The following RASGRP3 variants were observed in gnomAD, a reference collection of about 807,000 sequenced individuals.
The protein encoded by RASGRP3 is ras guanyl-releasing protein 3.
In RASGRP3, 54 loss-of-function variants were observed where a neutral mutation model predicts 82.7. That is an observed-to-expected ratio of 0.65 (90% CI 0.52 to 0.82). RASGRP3 has a LOEUF of 0.82. Ranked by LOEUF, RASGRP3 falls within the 40% of genes least tolerant of loss-of-function variation. The probability of loss-of-function intolerance (pLI) is 0.00; values close to 1 mark genes in which losing one functional copy is unlikely to be tolerated. For synonymous variants in RASGRP3, 309 were observed against 300.5 expected, an observed-to-expected ratio of 1.03 and a Z score of -0.29; for missense variants, 861 against 828.9, an observed-to-expected ratio of 1.04 and a Z score of -0.48.
At position 33,515,127 on chromosome 2, in the gene RASGRP3, CT is replaced by C; in HGVS notation, c.-9del. On this transcript the variant is annotated 5_prime_UTR_variant, in exon 3 of 18. Coordinates refer to ENST00000403687, the MANE Select transcript of RASGRP3 (RefSeq NM_001139488.2). ...AATGTCTCTAGTTTTTTGACAACGGCTAAATAACCATGGGATCAAGTGGCCT... is the reference window on the plus strand; with the variant it reads ...AATGTCTCTAGTTTTTTGACAACGGCAAATAACCATGGGATCAAGTGGCCT... 6.2e-7 allele frequency: 1 copy of C among 1,613,692 alleles called. No individual in the cohort carries two copies. The highest frequency in any genetic ancestry group is 2.2e-5 in the East Asian group (1 of 44,884).
intron 16 of RASGRP3, 114 bp from the exon 17 acceptor site, chr2:33,558,558 C>A: frequency 1.8e-6 from 2 of 1,137,446 alleles, no homozygotes; most frequent in East Asian, 2.5e-5. Context: ...AGTTCTGTCC[C>A]TTGTCGGTTC....
At chr2:33,560,157 C>T (rs1676489376) in intron 17 of RASGRP3, among the ~76,000 whole-genome samples, 1 of 152,126 alleles carries the variant, frequency 6.6e-6, no homozygotes, top group African/African-American at 2.4e-5. Context: ...GTTGTGCAAC[C>T]ATCACTACAA....
chr2:33,437,999 G>A (rs1442570079), intron 1 of RASGRP3, among the ~76,000 whole-genome samples: 1 of 152,140 alleles, frequency 6.6e-6, no homozygotes, highest in African/African-American at 2.4e-5. Context: ...TTAATTAATT[G>A]CCACGCCACA....
At chr2:33,509,108 TAAG>T (rs1670680298) in intron 1 of RASGRP3, among the ~76,000 whole-genome samples, 1 of 152,090 alleles carries the variant, frequency 6.6e-6, no homozygotes, top group Admixed American at 6.6e-5. Context: ...AATGAAATAA[TAAG>T]AAAATCAGGC....
At position 33,466,376 on chromosome 2, in the gene RASGRP3, G is replaced by C. The variant is rs894796095; in HGVS notation, c.-261+18433G>C. ...CAACCCTCATGGACGACTTTGAGGG[G>C]TTTAAGATTTCAGCGGAGGGGGCTG... On this transcript the variant is annotated intron_variant, in intron 2 of 18. Coordinates refer to the RASGRP3 transcript ENST00000402538. Among the ~76,000 whole-genome samples, 4 of 152,128 alleles carry C rather than the reference G, an allele frequency of 2.6e-5. No homozygotes were observed. The South Asian group carries it at 8.3e-4, about 31-fold the overall frequency.
At chr2:33,529,045 G>A (rs1204999859) in intron 10 of RASGRP3, among the ~76,000 whole-genome samples, 4 of 152,172 alleles carry the variant, frequency 2.6e-5, no homozygotes, top group African/African-American at 9.7e-5. Flanking sequence ...ACGATGTCAA[G>A]CATAACTTCA....
At position 33,527,080 on chromosome 2, in the gene RASGRP3, CG is replaced by C. The variant is rs1558487681; in HGVS notation, c.808-52del. 10 of 1,576,548 alleles carry C rather than the reference CG, an allele frequency of 6.3e-6. No individual in the cohort carries two copies. In the African/African-American group the frequency reaches 1.1e-4, roughly 17 times the overall value. Reference sequence around the variant, plus strand: ...TTTCCTAGCCACACATTGCAGGGCCCGGGGGTGTGCAGGAGGGAAAGTTGTT... The same window carrying C: ...TTTCCTAGCCACACATTGCAGGGCCCGGGGTGTGCAGGAGGGAAAGTTGTT... On this transcript the variant is annotated intron_variant, in intron 9 of 17. Coordinates refer to ENST00000403687, the MANE Select transcript of RASGRP3 (RefSeq NM_001139488.2).
intron 14 of RASGRP3, 86 bp downstream of exon 14, chr2:33,549,837 G>C: frequency 6.3e-6 from 9 of 1,421,528 alleles, no homozygotes; most frequent in Non-Finnish European, 8.5e-6. Context: ...ACTAAATAAA[G>C]TTCACTGTCT....
chr2:33,515,227 C>T (rs1323508852), intron 3 of RASGRP3, 21 bp downstream of exon 3: 2 of 1,612,376 alleles, frequency 1.2e-6, no homozygotes, highest in Admixed American at 1.7e-5. Flanking sequence ...TTTCTCCTTT[C>T]ATCTCTTTTG....
intron 1 of RASGRP3, among the ~76,000 whole-genome samples, chr2:33,499,428 G>A (rs1362195870): frequency 6.6e-6 from 1 of 152,032 alleles, no homozygotes; most frequent in Non-Finnish European, 1.5e-5. Context: ...GTGTGGTGGT[G>A]CGCACATGTG....
At position 33,562,731 on chromosome 2, in the gene RASGRP3, T is replaced by C. The variant is rs918065729; in HGVS notation, c.2067T>C (p.Asp689=). The change falls in exon 18 of 18, where the codon GAT becomes GAC. Residue 689 remains aspartate, a splice_region_variant and synonymous_variant. Transcript: ENST00000403687. ...ATAGGTTCCAATTTGTGTTTCAGGA[T>C]GGCTGACTTCAGGCTGCGGAAACTG... The part of the protein sequence containing the change: ...EGEETRQDGE[D]G 5.0e-6 allele frequency: 8 copies of C among 1,613,568 alleles called. No homozygotes were observed. In the African/African-American group the frequency reaches 9.3e-5, roughly 19 times the overall value.
intron 5 of RASGRP3, 105 bp from the exon 6 acceptor site, chr2:33,520,448 G>T: frequency 7.2e-7 from 1 of 1,389,640 alleles, no homozygotes; most frequent in East Asian, 2.3e-5. Flanking sequence ...GGTCCTGGAT[G>T]GTCCTGGACT....
At chr2:33,552,584 A>G (rs572611587) in intron 14 of RASGRP3, among the ~76,000 whole-genome samples, 66 of 152,316 alleles carry the variant, frequency 4.3e-4, no homozygotes, top group African/African-American at 1.5e-3. Context: ...ATAGCTCTAT[A>G]GATGTGTCAT....
chr2:33,539,741 C>G (rs532876906), intron 12 of RASGRP3: 7 of 152,552 alleles, frequency 4.6e-5, no homozygotes, highest in African/African-American at 1.4e-4. Context: ...GTGGCTCACG[C>G]CTGTAATCCC....
chr2:33,502,902 A>G (rs1296872341), intron 1 of RASGRP3, among the ~76,000 whole-genome samples: 2 of 152,058 alleles, frequency 1.3e-5, no homozygotes, highest in Non-Finnish European at 2.9e-5. Flanking sequence ...AGATCCACTA[A>G]TGAGTCCAAA....
intron 1 of RASGRP3, among the ~76,000 whole-genome samples, chr2:33,502,378 T>A (rs1223847069): frequency 6.6e-6 from 1 of 152,154 alleles, no homozygotes; most frequent in Non-Finnish European, 1.5e-5. Context: ...TTCCCTTCAT[T>A]TGTCTTAATT....
chr2:33,496,180 A>C (rs78821711), intron 1 of RASGRP3, among the ~76,000 whole-genome samples: 1 of 152,362 alleles, frequency 6.6e-6, no homozygotes, highest in East Asian at 1.9e-4. Flanking sequence ...GATTTGGAGA[A>C]AGGACAAAGA....
chr2:33,500,928 G>A lies in RASGRP3; in HGVS notation c.-260-10782G>A, dbSNP rs372427479. On this transcript the variant is annotated intron_variant, in intron 1 of 17. Coordinates refer to ENST00000403687, the MANE Select transcript of RASGRP3 (RefSeq NM_001139488.2). ...CAGCCTGGCAACGGAGCAAGACTCC[G>A]TCTCAAAAAAATAAATAAATAAAAT... is the stretch of plus-strand genomic sequence containing the variant. 5.3e-5 allele frequency among the ~76,000 whole-genome samples: 8 copies of A among 152,184 alleles called. 1 individual carries two copies. Among genetic ancestry groups the A allele is most frequent in the South Asian group, 4.1e-4 (2 of 4,822 alleles).
chr2:33,442,213 A>G (rs1033527326), intron 1 of RASGRP3, among the ~76,000 whole-genome samples: 2 of 152,174 alleles, frequency 1.3e-5, no homozygotes, highest in East Asian at 3.9e-4. Context: ...AAAATACAAA[A>G]CTTAGCCAGG....
Sources: gnomAD v4.1 joint callset for allele counts (sites outside exome capture counted in the v4.1 genomes callset) on GRCh38, gnomAD v4.1.1 for gene constraint, MANE v1.5 for transcripts, NCBI Gene and HGNC (gene_info 2026-07-23, HGNC 2026-07-21) for gene names.